Variants in NEK11 observed in about 807,000 individuals in gnomAD.
NEK11 encodes serine/threonine-protein kinase Nek11.
NEK11 carries 72 observed loss-of-function variants against 80.7 expected under a neutral mutation model. The ratio of observed to expected loss-of-function variants is 0.89; its 90% CI spans 0.74 to 1.08. The LOEUF (loss-of-function observed/expected upper bound fraction) is 1.08. Ranked by LOEUF, NEK11 falls within the 50% of genes least tolerant of loss-of-function variation. The pLI is 0.00. For missense variants in NEK11, 764 were observed against 763.6 expected (o/e 1.00, Z -0.01); for synonymous variants, 251 against 260.7 (o/e 0.96, Z 0.36).
intron 14 of NEK11, among the ~76,000 whole-genome samples, chr3:131,196,645 T>C (rs2094022213): frequency 6.6e-6 from 1 of 152,040 alleles, no homozygotes; most frequent in South Asian, 2.1e-4. Flanking sequence ...GTGATTCTCC[T>C]GCCTCAGCCT....
chr3:131,154,599 A>G (rs76331145), intron 9 of NEK11, among the ~76,000 whole-genome samples: 5,318 of 152,272 alleles, frequency 0.035, 288 homozygotes, highest in African/African-American at 0.11. Context: ...TTTAACAATA[A>G]TGTTCATTAA....
intron 3 of NEK11, among the ~76,000 whole-genome samples, chr3:131,064,575 G>T (rs1362236543): frequency 6.6e-6 from 1 of 152,074 alleles, no homozygotes; most frequent in Non-Finnish European, 1.5e-5. Flanking sequence ...ACCAACATAT[G>T]AATTTTAGGG....
At chr3:131,229,698 G>A (rs1043367911) in intron 15 of NEK11, among the ~76,000 whole-genome samples, 6 of 152,028 alleles carry the variant, frequency 3.9e-5, no homozygotes, top group African/African-American at 9.7e-5. Flanking sequence ...AAAGCAGTAA[G>A]AAGTGCTCTC....
At chr3:131,219,704 C>A (rs1019757543) in intron 14 of NEK11, among the ~76,000 whole-genome samples, 1 of 152,148 alleles carries the variant, frequency 6.6e-6, no homozygotes, top group African/African-American at 2.4e-5. Flanking sequence ...TAATCTCCAA[C>A]CTCCAGAACT....
At chr3:131,226,220 A>C (rs905559407) in intron 14 of NEK11, among the ~76,000 whole-genome samples, 4 of 152,162 alleles carry the variant, frequency 2.6e-5, no homozygotes, top group Non-Finnish European at 5.9e-5. Context: ...CAGCAAGCAC[A>C]TGTCCCTACT....
At chr3:131,170,103 G>A (rs1275168725) in intron 13 of NEK11, among the ~76,000 whole-genome samples, 1 of 152,036 alleles carries the variant, frequency 6.6e-6, no homozygotes, top group African/African-American at 2.4e-5. Flanking sequence ...AGACACTCTT[G>A]GAGTAGTTTC....
intron 3 of NEK11, among the ~76,000 whole-genome samples, chr3:131,050,560 A>G (rs1283623458): frequency 2.6e-5 from 4 of 152,230 alleles, no homozygotes; most frequent in African/African-American, 4.8e-5. Flanking sequence ...TTACACCTAG[A>G]GTATCTTCTG....
chr3:131,287,740 A>AG (rs2096490829), intron 17 of NEK11, among the ~76,000 whole-genome samples: 1 of 152,152 alleles, frequency 6.6e-6, no homozygotes, highest in Non-Finnish European at 1.5e-5. Context: ...TGCCAAGCTG[A>AG]GCCAGCCCAC....
chr3:131,100,893 T>TTTA (rs1018767636), intron 4 of NEK11, among the ~76,000 whole-genome samples: 4 of 151,918 alleles, frequency 2.6e-5, no homozygotes, highest in Non-Finnish European at 4.4e-5. Flanking sequence ...GTTGGTAGGT[T>TTTA]TTATTATTAT....
intron 16 of NEK11, among the ~76,000 whole-genome samples, chr3:131,268,544 T>C (rs1393273950): frequency 6.6e-6 from 1 of 152,240 alleles, no homozygotes; most frequent in Admixed American, 6.5e-5. Flanking sequence ...GCAGGTCTGC[T>C]GGAGTTTGCT....
chr3:131,270,601 G>A (rs1278939850), intron 16 of NEK11, among the ~76,000 whole-genome samples: 1 of 152,200 alleles, frequency 6.6e-6, no homozygotes, highest in Non-Finnish European at 1.5e-5. Flanking sequence ...GTTGGAAGAT[G>A]GGAGGCAGAG....
intron 3 of NEK11, among the ~76,000 whole-genome samples, chr3:131,064,257 C>G (rs1237718392): frequency 6.6e-6 from 1 of 152,138 alleles, no homozygotes; most frequent in Non-Finnish European, 1.5e-5. Context: ...ATGCCACAGA[C>G]TAGGTGGTTT....
intron 3 of NEK11, among the ~76,000 whole-genome samples, chr3:131,046,725 T>C (rs1040289211): frequency 6.6e-6 from 1 of 152,232 alleles, no homozygotes; most frequent in African/African-American, 2.4e-5. Context: ...GCTCTTAAGA[T>C]AGTTTCATTC....
Position 131,217,841 on chromosome 3 carries a change from A to G in NEK11, c.1400-10687A>G, listed in dbSNP as rs568530182. Among the ~76,000 whole-genome samples, 143 of 152,320 alleles carry G rather than the reference A, an allele frequency of 9.4e-4. 1 individual carries two copies. The highest frequency in any genetic ancestry group is 1.7e-3 in the Admixed American group (26 of 15,292). ...ATAAAAGCGAATCTTTCTACCTACT[A>G]AATTAATAAGTGCCATTTTATGGAG... On this transcript the variant is annotated intron_variant, in intron 14 of 17. Coordinates refer to ENST00000383366, the MANE Select transcript of NEK11 (RefSeq NM_024800.5).
chr3:131,149,489 G>A (rs2089198431), intron 7 of NEK11, among the ~76,000 whole-genome samples: 1 of 152,040 alleles, frequency 6.6e-6, no homozygotes, highest in South Asian at 2.1e-4. Flanking sequence ...TATATACCCA[G>A]TAATGGGATT....
intron 17 of NEK11, among the ~76,000 whole-genome samples, chr3:131,299,382 G>A (rs2096636208): frequency 6.6e-6 from 1 of 152,032 alleles, no homozygotes; most frequent in African/African-American, 2.4e-5. Flanking sequence ...AGTAAAGACA[G>A]GGTTTTACCA....
intron 5 of NEK11, among the ~76,000 whole-genome samples, chr3:131,111,802 A>G (rs1211997657): frequency 6.6e-6 from 1 of 152,200 alleles, no homozygotes; most frequent in Non-Finnish European, 1.5e-5. Flanking sequence ...ATTAAAGGGT[A>G]GAAAATATGC....
chr3:131,070,369 T>G (rs1493371), intron 3 of NEK11, among the ~76,000 whole-genome samples: 152,278 of 152,328 alleles, frequency 1, 76,114 homozygotes, highest in Middle Eastern at 1. Context: ...AATTATACCT[T>G]CAGGGTTGTG....
chr3:131,060,064 A>G (rs1304026267), intron 3 of NEK11, among the ~76,000 whole-genome samples: 1 of 152,212 alleles, frequency 6.6e-6, no homozygotes, highest in African/African-American at 2.4e-5. Context: ...ACTGGGCCCT[A>G]TGTGACTGCA....
Sources: gnomAD v4.1 joint callset for allele counts (sites outside exome capture counted in the v4.1 genomes callset) on GRCh38, gnomAD v4.1.1 for gene constraint, MANE v1.5 for transcripts, NCBI Gene and HGNC (gene_info 2026-07-23, HGNC 2026-07-21) for gene names.